ADCY5: variants seen among roughly 807,000 people sequenced by gnomAD.
ADCY5 encodes adenylate cyclase type 5.
In ADCY5, 30 loss-of-function variants were observed where a neutral mutation model predicts 119.7. The ratio of observed to expected loss-of-function variants is 0.25; its 90% CI spans 0.19 to 0.34. ADCY5 has a LOEUF of 0.34. Among genes scored for constraint, ADCY5 ranks in the 10% least tolerant of loss-of-function variants. The pLI is 1.00. For synonymous variants in ADCY5, 753 were observed against 762.2 expected (o/e 0.99, Z 0.20); for missense variants, 1,324 against 1,775.2 (o/e 0.75, Z 4.57).
In ADCY5 at chr3:123,447,765, C is replaced by G. The variant is rs769132423; in HGVS notation, c.781G>C (p.Ala261Pro). 1 of 1,608,192 alleles carries G rather than the reference C, an allele frequency of 6.2e-7. No homozygotes were observed. Among genetic ancestry groups the G allele is most frequent in the South Asian group, 1.1e-5 (1 of 90,786 alleles). ...LVCLVMLAFH[A>P]ARPPLQLPYL... ...GGCAGCTGGAGCGGGGGCCGCGCCG[C>G]GTGGAAGGCCAACATGACCAGGCAC... The change falls in exon 1 of 21, where the codon GCG (alanine) becomes CCG (proline). Residue 261 changes from alanine to proline, a missense_variant. Around this residue, in one of 6 missense-constraint regions of ADCY5, gnomAD observed 585 missense variants for 569.9 expected, o/e 1.03. Transcript: ENST00000462833.
Position 123,352,641 on chromosome 3 carries a change from T to A in ADCY5, c.1135-60A>T. 3.2e-6 allele frequency: 5 copies of A among 1,544,054 alleles called. No individual in the cohort carries two copies. The highest frequency in any genetic ancestry group is 4.4e-6 in the Non-Finnish European group (5 of 1,138,408). On this transcript the variant is annotated intron_variant, in intron 1 of 20. Transcript: ENST00000462833. This position sits in a 1 kb window ranked among gnomAD's most constrained non-coding sequence, Gnocchi z 4.8. ...TCCTGACCTTCCTGGCCCCAAAGCA[T>A]GAAGCCCTCAGCCCCTGTCTCAGCA...
At chr3:123,303,474 C>T (rs1576544324) in intron 13 of ADCY5, among the ~76,000 whole-genome samples, 1 of 152,104 alleles carries the variant, frequency 6.6e-6, no homozygotes, top group East Asian at 1.9e-4. Context: ...CTAAACTCTT[C>T]CTGGCCCCAC....
chr3:123,395,765 C>T (rs1018706029), intron 1 of ADCY5, among the ~76,000 whole-genome samples: 2 of 151,402 alleles, frequency 1.3e-5, no homozygotes, highest in African/African-American at 4.9e-5. Context: ...TGCCTGTAGT[C>T]CCAGCTACTT....
chr3:123,320,778 G>A lies in ADCY5; in HGVS notation c.2089-7C>T, dbSNP rs759634930. The A allele has an allele frequency of 6.3e-7, 1 of 1,593,954 alleles. No individual in the cohort carries two copies. Among genetic ancestry groups the A allele is most frequent in the Admixed American group, 1.7e-5 (1 of 59,542 alleles). ...CCTTGGGGTCTTCAAAGCCCTAGAA[G>A]AGAAGGATAGAAAGAGAAAGAGAAG... On this transcript the variant is annotated splice_polypyrimidine_tract_variant and splice_region_variant and intron_variant, in intron 8 of 20. Transcript: ENST00000462833.
chr3:123,325,607 C>G, intron 7 of ADCY5, 145 bp from the exon 8 acceptor site: 1 of 1,104,530 alleles, frequency 9.1e-7, no homozygotes, highest in Non-Finnish European at 1.3e-6. Context: ...AGAGCTCGGC[C>G]CAGATCCTGG....
At chr3:123,403,380 CA>C (rs35626615) in intron 1 of ADCY5, among the ~76,000 whole-genome samples, 18,262 of 68,604 alleles carry the variant, frequency 0.27, 1,099 homozygotes, top group Non-Finnish European at 0.33. Flanking sequence ...GACCCTGTCT[CA>C]AAAAAAAAAA....
intron 2 of ADCY5, among the ~76,000 whole-genome samples, chr3:123,351,159 G>T (rs1052929098): frequency 6.6e-6 from 1 of 152,118 alleles, no homozygotes; most frequent in African/African-American, 2.4e-5. Flanking sequence ...CCGAGGCAGC[G>T]CTGGAAGGGA....
intron 19 of ADCY5, 93 bp downstream of exon 19, chr3:123,289,657 C>T: frequency 1.4e-6 from 2 of 1,465,904 alleles, no homozygotes; most frequent in South Asian, 2.3e-5. Flanking sequence ...CTTGGGACCA[C>T]AATGGCGGAT....
At chr3:123,439,589 T>C (rs959784465) in intron 1 of ADCY5, among the ~76,000 whole-genome samples, 17 of 152,180 alleles carry the variant, frequency 1.1e-4, no homozygotes, top group Admixed American at 5.9e-4. Flanking sequence ...GAAAAAAACA[T>C]AATGTTATAT....
intron 3 of ADCY5, among the ~76,000 whole-genome samples, chr3:123,346,157 C>G (rs1381633614): frequency 6.6e-6 from 1 of 152,232 alleles, no homozygotes; most frequent in South Asian, 2.1e-4. Flanking sequence ...TGCTAGTGAT[C>G]GTTCCACCAT....
intron 12 of ADCY5, among the ~76,000 whole-genome samples, chr3:123,306,848 T>C (rs967147829): frequency 6.6e-6 from 1 of 152,226 alleles, no homozygotes; most frequent in Non-Finnish European, 1.5e-5. Context: ...AATTTAATTG[T>C]CCATCAATTG....
intron 20 of ADCY5, among the ~76,000 whole-genome samples, chr3:123,285,947 A>C (rs1938726214): frequency 6.6e-6 from 1 of 152,228 alleles, no homozygotes. Context: ...ACATTTAAGC[A>C]GTATCATCAG....
chr3:123,410,812 T>C (rs769021094), intron 1 of ADCY5, among the ~76,000 whole-genome samples: 8 of 152,286 alleles, frequency 5.3e-5, no homozygotes, highest in Non-Finnish European at 7.4e-5. Context: ...CTTGCTGGGC[T>C]AACTTTTTCA....
intron 1 of ADCY5, among the ~76,000 whole-genome samples, chr3:123,394,337 C>T (rs1475145343): frequency 6.6e-5 from 10 of 152,066 alleles, no homozygotes; most frequent in South Asian, 6.2e-4. Context: ...TGTTTTTGAA[C>T]GAATTTTTTT....
intron 12 of ADCY5, among the ~76,000 whole-genome samples, chr3:123,309,448 G>A (rs1940422302): frequency 1.3e-5 from 2 of 152,194 alleles, no homozygotes; most frequent in African/African-American, 4.8e-5. Context: ...AGGCTCATGG[G>A]CTCTGAAGTA....
chr3:123,289,682 G>A, intron 19 of ADCY5, 68 bp downstream of exon 19: 2 of 1,562,154 alleles, frequency 1.3e-6, no homozygotes, highest in Non-Finnish European at 1.8e-6. Context: ...TATGGGGTAT[G>A]GGGGAGCCCC....
chr3:123,308,039 T>TC (rs1940300177), intron 12 of ADCY5, among the ~76,000 whole-genome samples: 1 of 138,932 alleles, frequency 7.2e-6, no homozygotes, highest in Non-Finnish European at 1.6e-5. Context: ...TTTTTTTTTT[T>TC]TTTTTTTTTT....
chr3:123,391,852 G>A (rs1311709016), intron 1 of ADCY5, among the ~76,000 whole-genome samples: 2 of 152,150 alleles, frequency 1.3e-5, no homozygotes, highest in African/African-American at 4.8e-5. Flanking sequence ...CTAACAGTTC[G>A]CCTGGGGTGG....
chr3:123,290,771 G>A (rs1939096632), intron 18 of ADCY5, among the ~76,000 whole-genome samples: 1 of 152,212 alleles, frequency 6.6e-6, no homozygotes, highest in Admixed American at 6.5e-5. Context: ...CAAGAGGAAT[G>A]GTGGTCAGCG....
Sources: allele counts gnomAD v4.1 joint callset (sites outside exome capture counted in the v4.1 genomes callset), GRCh38; gene constraint gnomAD v4.1.1; regional missense constraint gnomAD v4.1.1; non-coding constraint Gnocchi (gnomAD v3.1); transcripts MANE v1.5; gene names NCBI Gene and HGNC (gene_info 2026-07-23, HGNC 2026-07-21).